Variants in SMYD3 observed in about 807,000 individuals in gnomAD.
The protein encoded by SMYD3 is SET and MYND domain containing 3.
In SMYD3, 36 loss-of-function variants were observed where a neutral mutation model predicts 57.7. That is an observed-to-expected ratio of 0.62 (90% confidence interval 0.48 to 0.82). SMYD3 has a LOEUF of 0.82. Ranked by LOEUF, SMYD3 falls within the 40% of genes least tolerant of loss-of-function variation. The pLI is 0.00. For missense variants in SMYD3, 515 were observed against 538.8 expected (o/e 0.96, Z 0.44); for synonymous variants, 211 against 195.0 (o/e 1.08, Z -0.68).
At chr1:245,786,752 A>G (rs188933426) in intron 10 of SMYD3, among the ~76,000 whole-genome samples, 100 of 152,268 alleles carry the variant, frequency 6.6e-4, no homozygotes, top group African/African-American at 2.3e-3. Context: ...GAAACCAATG[A>G]ATCTGCCAGC....
chr1:246,311,317 C>T (rs565796014), intron 5 of SMYD3, among the ~76,000 whole-genome samples: 1 of 152,262 alleles, frequency 6.6e-6, no homozygotes, highest in South Asian at 2.1e-4. Context: ...CCAAATCTTA[C>T]TGATACAAGG....
At chr1:246,502,916 T>A in intron 1 of SMYD3, among the ~76,000 whole-genome samples, 1 of 152,202 alleles carries the variant, frequency 6.6e-6, no homozygotes, top group East Asian at 1.9e-4. Flanking sequence ...CACAGTGGTA[T>A]GAGAGCATTT....
intron 10 of SMYD3, among the ~76,000 whole-genome samples, chr1:245,766,400 T>TA (rs35500837): frequency 0.044 from 4,467 of 101,434 alleles, 132 homozygotes; most frequent in South Asian, 0.11. Flanking sequence ...GACTCTGTCT[T>TA]AAAAAAAAAA....
At position 246,406,128 on chromosome 1, in the gene SMYD3, T is replaced by A. The variant is rs533705614; in HGVS notation, c.165-51034A>T. On this transcript the variant is annotated intron_variant, in intron 1 of 11. Coordinates refer to ENST00000490107, the MANE Select transcript of SMYD3 (RefSeq NM_001167740.2). ...TTTAAATAGAGACAGCGTTTTGCCA[T>A]GTTGCCCAGGAGCTTGAACTCCCAG... Among the ~76,000 whole-genome samples the A allele has an allele frequency of 1.7e-3, 252 of 152,060 alleles. 2 individuals are homozygous for A. The highest frequency in any genetic ancestry group is 4.8e-3 in the African/African-American group (201 of 41,466).
chr1:245,941,950 G>C (rs568092948), intron 5 of SMYD3, among the ~76,000 whole-genome samples: 6 of 152,262 alleles, frequency 3.9e-5, no homozygotes, highest in African/African-American at 1.4e-4. Context: ...TCACCACCAG[G>C]CCTACCTTGC....
At chr1:245,842,410 C>G (rs1250075249) in intron 10 of SMYD3, among the ~76,000 whole-genome samples, 3 of 150,778 alleles carry the variant, frequency 2.0e-5, no homozygotes, top group Non-Finnish European at 4.4e-5. Context: ...CTTAACCTAG[C>G]TTTTCCCAAA....
chr1:246,158,204 C>T lies in SMYD3; in HGVS notation c.531+168997G>A, dbSNP rs2062052771. ...AGGTAAAAATAGACTCATTCTTCCC[C>T]TGACTCTCTTTCTCCATCATTGGTG... On this transcript the variant is annotated intron_variant, in intron 5 of 11. Coordinates refer to ENST00000490107, the MANE Select transcript of SMYD3 (RefSeq NM_001167740.2). 2.0e-5 allele frequency among the ~76,000 whole-genome samples: 3 copies of T among 152,180 alleles called. No individual in the cohort carries two copies. The South Asian group carries it at 6.2e-4, about 31-fold the overall frequency.
chr1:245,816,111 G>A (rs918158040), intron 10 of SMYD3, among the ~76,000 whole-genome samples: 1 of 152,184 alleles, frequency 6.6e-6, no homozygotes, highest in Non-Finnish European at 1.5e-5. Context: ...TGTATTCAAT[G>A]AAGCTTCTAG....
At chr1:246,356,612 A>G (rs983087745) in intron 1 of SMYD3, among the ~76,000 whole-genome samples, 1 of 152,238 alleles carries the variant, frequency 6.6e-6, no homozygotes, top group Non-Finnish European at 1.5e-5. Context: ...CACAACTTCT[A>G]GAAATCAAAG....
intron 5 of SMYD3, among the ~76,000 whole-genome samples, chr1:246,270,796 T>C (rs556178396): frequency 1.3e-5 from 2 of 152,342 alleles, no homozygotes; most frequent in Admixed American, 6.5e-5. Flanking sequence ...CAAACATCTC[T>C]TTGAGATCCT....
intron 5 of SMYD3, among the ~76,000 whole-genome samples, chr1:246,192,710 T>C (rs984089035): frequency 1.3e-5 from 2 of 152,222 alleles, no homozygotes; most frequent in Non-Finnish European, 2.9e-5. Flanking sequence ...TTAGTAATGA[T>C]TGTAATGATT....
intron 8 of SMYD3, among the ~76,000 whole-genome samples, chr1:245,880,541 A>G (rs2052723980): frequency 6.6e-6 from 1 of 152,232 alleles, no homozygotes; most frequent in Non-Finnish European, 1.5e-5. Flanking sequence ...TGTGCTAATT[A>G]CTTTAAACAC....
chr1:246,488,409 G>T (rs1301868987), intron 1 of SMYD3, among the ~76,000 whole-genome samples: 2 of 152,220 alleles, frequency 1.3e-5, no homozygotes, highest in Admixed American at 6.5e-5. Context: ...AGAGATTTAG[G>T]CTGGGCGTGG....
At chr1:246,290,716 C>T (rs2064673088) in intron 5 of SMYD3, among the ~76,000 whole-genome samples, 1 of 152,192 alleles carries the variant, frequency 6.6e-6, no homozygotes, top group Middle Eastern at 3.4e-3. Flanking sequence ...ACCCTATATT[C>T]TTTCCTTTTT....
intron 10 of SMYD3, among the ~76,000 whole-genome samples, chr1:245,783,688 A>T (rs933766706): frequency 2.6e-5 from 4 of 152,242 alleles, no homozygotes; most frequent in Non-Finnish European, 4.4e-5. Context: ...AAGTGAATTA[A>T]GTAAAGCAGC....
intron 5 of SMYD3, among the ~76,000 whole-genome samples, chr1:246,153,562 G>C (rs762538318): frequency 1.2e-3 from 183 of 152,238 alleles, no homozygotes; most frequent in Non-Finnish European, 1.9e-3. Flanking sequence ...TGAACTCCTG[G>C]GTTCAACAAA....
chr1:246,224,033 G>C (rs1189523817), intron 5 of SMYD3, among the ~76,000 whole-genome samples: 1 of 152,036 alleles, frequency 6.6e-6, no homozygotes, highest in African/African-American at 2.4e-5. Context: ...ATTCTTCTGA[G>C]AATCTTTCAT....
intron 10 of SMYD3, among the ~76,000 whole-genome samples, chr1:245,818,236 C>A (rs1444561007): frequency 6.6e-6 from 1 of 152,134 alleles, no homozygotes; most frequent in African/African-American, 2.4e-5. Flanking sequence ...GAGTGGGGAG[C>A]AATATTCAAC....
At chr1:245,953,575 A>G (rs1178167959) in intron 5 of SMYD3, among the ~76,000 whole-genome samples, 3 of 152,118 alleles carry the variant, frequency 2.0e-5, no homozygotes, top group Non-Finnish European at 4.4e-5. Context: ...GCCTGACACC[A>G]CGTCTGGCTA....
Sources: gnomAD v4.1 joint callset for allele counts (sites outside exome capture counted in the v4.1 genomes callset) on GRCh38, gnomAD v4.1.1 for gene constraint, MANE v1.5 for transcripts, NCBI Gene and HGNC (gene_info 2026-07-23, HGNC 2026-07-21) for gene names.